The following DGKI variants were observed in gnomAD, a reference collection of about 807,000 sequenced individuals.
DGKI encodes diacylglycerol kinase iota.
In DGKI, 55 loss-of-function variants were observed where a neutral mutation model predicts 147.5. The ratio of observed to expected loss-of-function variants is 0.37; its 90% CI spans 0.30 to 0.47. The LOEUF (loss-of-function observed/expected upper bound fraction) is 0.47. Ranked by LOEUF, DGKI falls within the 20% of genes least tolerant of loss-of-function variation. The pLI, the probability that DGKI is intolerant of heterozygous loss-of-function variation, is 1.00. For synonymous variants in DGKI, 469 were observed against 477.1 expected (o/e 0.98, Z 0.22); for missense variants, 1,007 against 1,323.8 (o/e 0.76, Z 3.71).
chr7:137,414,734 G>A (rs1345890175), intron 28 of DGKI, among the ~76,000 whole-genome samples: 1 of 152,100 alleles, frequency 6.6e-6, no homozygotes, highest in African/African-American at 2.4e-5. Context: ...GCTCTGCAAG[G>A]CCTACAGACA....
chr7:137,467,039 A>G lies in DGKI; in HGVS notation c.2444-97T>C, dbSNP rs1050489253. 1.8e-5 allele frequency: 21 copies of G among 1,153,036 alleles called. No homozygotes were observed. The Admixed American group carries it at 3.7e-4, about 20-fold the overall frequency. 71.4% of individuals were successfully genotyped at this position (1,153,036 alleles called of 1,614,324 possible). On this transcript the variant is annotated intron_variant, in intron 24 of 32. Transcript: ENST00000614521. ...CGACTATGCTGGTCAAAACCCCTAC[A>G]TGGCAGTCATGCTAGTCTCCTGGCC...
At chr7:137,623,895 G>A in intron 6 of DGKI, among the ~76,000 whole-genome samples, 1 of 151,940 alleles carries the variant, frequency 6.6e-6, no homozygotes, top group East Asian at 1.9e-4. Context: ...AGCCATTATT[G>A]GTTCACATGG....
intron 19 of DGKI, among the ~76,000 whole-genome samples, chr7:137,568,585 C>A (rs886455864): frequency 6.6e-6 from 1 of 152,192 alleles, no homozygotes. Context: ...GTGAAGTGGG[C>A]AGTCGCTGTA....
intron 6 of DGKI, among the ~76,000 whole-genome samples, chr7:137,641,592 A>G (rs2129006734): frequency 6.6e-6 from 1 of 152,326 alleles, no homozygotes; most frequent in East Asian, 1.9e-4. Context: ...TGAATTTCAT[A>G]TTTAGACTTG....
chr7:137,454,503 A>G (rs1814106606), intron 27 of DGKI, among the ~76,000 whole-genome samples: 1 of 152,230 alleles, frequency 6.6e-6, no homozygotes, highest in Non-Finnish European at 1.5e-5. Flanking sequence ...TAAAATAAAG[A>G]GATGAAGTTG....
At chr7:137,657,999 T>C (rs1483970612) in intron 3 of DGKI, among the ~76,000 whole-genome samples, 1 of 152,214 alleles carries the variant, frequency 6.6e-6, no homozygotes, top group Non-Finnish European at 1.5e-5. Context: ...TCCTTTATTC[T>C]GCTTGCAGAT....
At position 137,485,415 on chromosome 7, in the gene DGKI, G is replaced by A. The variant is rs1254433673; in HGVS notation, c.2332C>T (p.Leu778=). ...TGGGAGCCAGAAGAAACTGACTGTAGGTCCTAATGAGAAAATGAAAAAAAA... is the reference window on the plus strand; with the variant it reads ...TGGGAGCCAGAAGAAACTGACTGTAAGTCCTAATGAGAAAATGAAAAAAAA... The part of the protein sequence containing the change: ...RMYIDRLQED[L]QSVSSGSQRV... The change falls in exon 23 of 33, where the codon CTA becomes TTA. Residue 778 remains leucine (L), a synonymous_variant. Coordinates refer to ENST00000614521, the MANE Select transcript of DGKI (RefSeq NM_001321708.2). The A allele has an allele frequency of 6.2e-7, 1 of 1,604,722 alleles. No homozygotes were observed. The highest frequency in any genetic ancestry group is 8.5e-7 in the Non-Finnish European group (1 of 1,175,904).
At chr7:137,399,001 C>CTTTTT (rs1346606738) in intron 30 of DGKI, among the ~76,000 whole-genome samples, 29 of 66,448 alleles carry the variant, frequency 4.4e-4, no homozygotes, top group East Asian at 4.2e-4. Context: ...CCCAGGGTTC[C>CTTTTT]ATTTTTTTTT....
intron 10 of DGKI, among the ~76,000 whole-genome samples, chr7:137,604,138 T>G (rs1393469317): frequency 2.6e-5 from 4 of 152,194 alleles, no homozygotes; most frequent in Non-Finnish European, 4.4e-5. Context: ...ATCATTTGGT[T>G]GTTTTAATTC....
intron 2 of DGKI, among the ~76,000 whole-genome samples, chr7:137,679,265 A>T (rs2116396622): frequency 6.6e-6 from 1 of 152,342 alleles, no homozygotes; most frequent in Non-Finnish European, 1.5e-5. Flanking sequence ...TCAATTTTTC[A>T]AACTAAATGT....
intron 24 of DGKI, among the ~76,000 whole-genome samples, chr7:137,467,419 T>C (rs1168668577): frequency 1.3e-5 from 2 of 152,240 alleles, no homozygotes; most frequent in East Asian, 1.9e-4. Context: ...GGAATTAGTA[T>C]GTATTTATTA....
intron 1 of DGKI, among the ~76,000 whole-genome samples, chr7:137,788,117 T>C (rs1796728353): frequency 6.6e-6 from 1 of 152,204 alleles, no homozygotes; most frequent in South Asian, 2.1e-4. Flanking sequence ...AATATTTTAC[T>C]AAAAGTGAGA....
At chr7:137,818,131 T>C (rs1336414249) in intron 1 of DGKI, among the ~76,000 whole-genome samples, 3 of 152,130 alleles carry the variant, frequency 2.0e-5, no homozygotes, top group Middle Eastern at 3.2e-3. Context: ...CTAAAAACCT[T>C]CTAAGACAAA....
At chr7:137,455,040 T>C (rs535017102) in intron 27 of DGKI, among the ~76,000 whole-genome samples, 12 of 152,138 alleles carry the variant, frequency 7.9e-5, no homozygotes, top group African/African-American at 1.4e-4. Context: ...CCTGTGGTAA[T>C]TGAGTAAGGG....
rs1811147645 is a variant in DGKI, at chr7:137,385,172, C to T, written c.*6048G>A. ...AAGAATACTGATCAAAATTTATAAG[C>T]TTCCAGAAGTATTTTTAATTAAATT... On this transcript the variant is annotated 3_prime_UTR_variant, in exon 33 of 33. Coordinates refer to ENST00000614521, the MANE Select transcript of DGKI (RefSeq NM_001321708.2). The T allele has an allele frequency of 6.6e-6, 1 of 152,018 alleles. No homozygotes were observed. The highest frequency in any genetic ancestry group is 1.5e-5 in the Non-Finnish European group (1 of 67,996). 9.4% of individuals were successfully genotyped at this position (152,018 alleles called of 1,614,324 possible).
intron 1 of DGKI, among the ~76,000 whole-genome samples, chr7:137,838,114 T>G (rs1798441010): frequency 6.7e-6 from 1 of 148,798 alleles, no homozygotes; most frequent in Non-Finnish European, 1.5e-5. Flanking sequence ...GCAATTCCCC[T>G]GCCTCAGCCT....
chr7:137,680,498 G>A (rs1341114263), intron 2 of DGKI, among the ~76,000 whole-genome samples: 2 of 152,120 alleles, frequency 1.3e-5, no homozygotes, highest in Non-Finnish European at 2.9e-5. Context: ...TATACCAAAT[G>A]GCCAGGAGCA....
intron 28 of DGKI, among the ~76,000 whole-genome samples, chr7:137,432,481 GTC>G (rs1473075696): frequency 6.6e-6 from 1 of 152,100 alleles, no homozygotes; most frequent in East Asian, 1.9e-4. Flanking sequence ...ATCTCTTCCT[GTC>G]TCTTTCTTTT....
chr7:137,774,779 G>C (rs1409293993), intron 1 of DGKI: 1 of 152,242 alleles, frequency 6.6e-6, no homozygotes, highest in Non-Finnish European at 1.5e-5. Context: ...TTCCTCCTGT[G>C]AGCAACCCTT....
Sources: gnomAD v4.1 joint callset for allele counts (sites outside exome capture counted in the v4.1 genomes callset) on GRCh38, gnomAD v4.1.1 for gene constraint, MANE v1.5 for transcripts, NCBI Gene and HGNC (gene_info 2026-07-23, HGNC 2026-07-21) for gene names.